LRRC28: variants seen among roughly 807,000 people sequenced by gnomAD.
The protein encoded by LRRC28 is leucine rich repeat containing 28, also known as leucine-rich repeat-containing protein 28.
LRRC28 carries 39 observed loss-of-function variants against 45.7 expected under a neutral mutation model. The observed-to-expected ratio is 0.85, with a 90% CI of 0.66 to 1.12. LRRC28 has a LOEUF of 1.12. LRRC28 is among the 50% of genes most tolerant of loss of function. The pLI is 0.00. For missense variants in LRRC28, 435 were observed against 438.5 expected, an observed-to-expected ratio of 0.99 and a Z score of 0.07; for synonymous variants, 206 against 178.8, an observed-to-expected ratio of 1.15 and a Z score of -1.22.
At chr15:99,282,470 A>G (rs1210042902) in intron 3 of LRRC28, among the ~76,000 whole-genome samples, 2 of 152,200 alleles carry the variant, frequency 1.3e-5, no homozygotes, top group African/African-American at 4.8e-5. Flanking sequence ...TGTCAATGAC[A>G]GGCCACATAC....
At chr15:99,279,646 G>T (rs1026551361) in intron 3 of LRRC28, among the ~76,000 whole-genome samples, 2 of 152,198 alleles carry the variant, frequency 1.3e-5, no homozygotes, top group Non-Finnish European at 2.9e-5. Context: ...GGAGAGTGGG[G>T]TTAGGACTAG....
At chr15:99,304,072 G>A (rs906818198) in intron 5 of LRRC28, among the ~76,000 whole-genome samples, 10 of 152,138 alleles carry the variant, frequency 6.6e-5, no homozygotes, top group Admixed American at 1.3e-4. Flanking sequence ...TCTGACCTGT[G>A]GGCCAAGTCT....
intron 2 of LRRC28, among the ~76,000 whole-genome samples, chr15:99,260,793 A>T (rs992814046): frequency 6.6e-6 from 1 of 152,228 alleles, no homozygotes; most frequent in Non-Finnish European, 1.5e-5. Flanking sequence ...AAAACTGGGG[A>T]AAACGTTGAA....
chr15:99,274,651 G>C (rs57438271), intron 2 of LRRC28, among the ~76,000 whole-genome samples: 14,296 of 152,052 alleles, frequency 0.094, 737 homozygotes, highest in African/African-American at 0.14. Context: ...AAAATTTCTT[G>C]GTTATTTAAA....
intron 9 of LRRC28, among the ~76,000 whole-genome samples, chr15:99,375,567 T>C (rs1305182288): frequency 6.6e-6 from 1 of 152,220 alleles, no homozygotes; most frequent in Non-Finnish European, 1.5e-5. Context: ...TTTTTACTCT[T>C]TGTTAGAATT....
At chr15:99,337,055 C>T (rs192971418) in intron 6 of LRRC28, among the ~76,000 whole-genome samples, 64 of 152,348 alleles carry the variant, frequency 4.2e-4, no homozygotes, top group Non-Finnish European at 5.4e-4. Context: ...AATTGAACTC[C>T]TTAAGTCGAA....
intron 5 of LRRC28, among the ~76,000 whole-genome samples, chr15:99,302,345 G>A (rs1360374843): frequency 2.0e-5 from 3 of 151,758 alleles, no homozygotes; most frequent in Admixed American, 6.6e-5. Flanking sequence ...AATTTTTTAA[G>A]CTATTGATTT....
intron 5 of LRRC28, among the ~76,000 whole-genome samples, chr15:99,290,394 A>ATT (rs2082090885): frequency 2.0e-5 from 3 of 152,180 alleles, no homozygotes; most frequent in Non-Finnish European, 4.4e-5. Context: ...GACACAATAC[A>ATT]GGAATATGGT....
chr15:99,322,801 A>G (rs950231097), intron 5 of LRRC28, among the ~76,000 whole-genome samples: 3 of 152,146 alleles, frequency 2.0e-5, no homozygotes, highest in Non-Finnish European at 4.4e-5. Context: ...AAAGGTGGGC[A>G]AGACAATCCC....
chr15:99,319,778 T>G (rs1262515192), intron 5 of LRRC28, among the ~76,000 whole-genome samples: 1 of 151,948 alleles, frequency 6.6e-6, no homozygotes, highest in Non-Finnish European at 1.5e-5. Flanking sequence ...GTTTCTCAGA[T>G]GTCATATGTT....
At chr15:99,354,986 A>G (rs1309818669) in intron 7 of LRRC28, among the ~76,000 whole-genome samples, 1 of 152,236 alleles carries the variant, frequency 6.6e-6, no homozygotes, top group Non-Finnish European at 1.5e-5. Flanking sequence ...AAAGTCTGAG[A>G]TATATACGTA....
rs766338889 is a variant in LRRC28, at chr15:99,282,177, G to GTT, written c.210-5067_210-5066dup. 7.1e-5 allele frequency among the ~76,000 whole-genome samples: 7 copies of GTT among 98,046 alleles called. 1 individual carries two copies. The highest frequency in any genetic ancestry group is 3.4e-4 in the African/African-American group (7 of 20,754). The allele number at this position is 98,046 out of a possible 152,430, so 64.3% of individuals were successfully genotyped here. On this transcript the variant is annotated intron_variant, in intron 3 of 9. Coordinates refer to ENST00000301981, the MANE Select transcript of LRRC28 (RefSeq NM_144598.5). ...GGATTCCTTATGCAAATTTTTGGAG[G>GTT]TTTTTTTTTTTTTTGTAGCAGTAGC...
chr15:99,307,744 C>A (rs1456939441), intron 5 of LRRC28, among the ~76,000 whole-genome samples: 1 of 152,204 alleles, frequency 6.6e-6, no homozygotes, highest in Admixed American at 6.5e-5. Context: ...TGACTTCCAA[C>A]ACTCATCTCA....
intron 2 of LRRC28, among the ~76,000 whole-genome samples, chr15:99,262,015 G>A (rs537810888): frequency 2.0e-5 from 3 of 152,210 alleles, no homozygotes; most frequent in Admixed American, 6.5e-5. Context: ...GTGTGAATTT[G>A]GGGAAACACA....
chr15:99,299,443 G>A (rs908792756), intron 5 of LRRC28, among the ~76,000 whole-genome samples: 1 of 152,014 alleles, frequency 6.6e-6, no homozygotes, highest in African/African-American at 2.4e-5. Context: ...TCATATATAG[G>A]TACACATAAT....
At chr15:99,258,171 A>G (rs531033974) in intron 2 of LRRC28, 10 of 1,612,524 alleles carry the variant, frequency 6.2e-6, no homozygotes, top group Non-Finnish European at 8.5e-6. Context: ...GCACAGGAAG[A>G]TGGCCAGTCA....
chr15:99,292,695 T>C (rs73473305), intron 5 of LRRC28, among the ~76,000 whole-genome samples: 3,564 of 152,276 alleles, frequency 0.023, 138 homozygotes, highest in African/African-American at 0.081. Context: ...ACGAATCCTC[T>C]GGGTTCTACA....
chr15:99,320,274 T>C (rs1955749222), intron 5 of LRRC28, among the ~76,000 whole-genome samples: 1 of 152,206 alleles, frequency 6.6e-6, no homozygotes. Context: ...GTGTGCTTCC[T>C]GGTATTGTTC....
intron 2 of LRRC28, 96 bp from the exon 3 acceptor site, chr15:99,276,480 C>T (rs943804722): frequency 5.7e-6 from 5 of 874,050 alleles, no homozygotes; most frequent in Middle Eastern, 3.1e-4. Context: ...TCAAAATTTA[C>T]ACCCCTCAAA....
Sources: gnomAD v4.1 joint callset for allele counts (sites outside exome capture counted in the v4.1 genomes callset) on GRCh38, gnomAD v4.1.1 for gene constraint, MANE v1.5 for transcripts, NCBI Gene and HGNC (gene_info 2026-07-23, HGNC 2026-07-21) for gene names.